Variants in TSNAXIP1 observed in about 807,000 individuals in gnomAD.
TSNAXIP1 encodes translin associated factor X interacting protein 1, also known as translin-associated factor X-interacting protein 1.
A neutral mutation model predicts 84.8 loss-of-function variants in TSNAXIP1; 89 were observed. That is an observed-to-expected ratio of 1.05 (90% CI 0.88 to 1.25). The LOEUF is 1.25. Among genes scored for constraint, TSNAXIP1 ranks in the 50% most tolerant of loss-of-function variants. The pLI is 0.00. For missense variants in TSNAXIP1, 874 were observed against 887.6 expected (o/e 0.98, Z 0.20); for synonymous variants, 347 against 335.2 (o/e 1.04, Z -0.39).
At position 67,806,939 on chromosome 16, in the gene TSNAXIP1, G is replaced by T. The variant is rs1464357766; in HGVS notation, c.-211G>T. On this transcript the variant is annotated 5_prime_UTR_variant, in exon 1 of 16. Coordinates refer to ENST00000561639, the MANE Select transcript of TSNAXIP1 (RefSeq NM_001288990.3). ...TGGGGTCAAATCGGCTGTAGTGGTTGACTCTCAGGGCACCCGCTGCCGGGT... is the reference window on the plus strand; with the variant it reads ...TGGGGTCAAATCGGCTGTAGTGGTTTACTCTCAGGGCACCCGCTGCCGGGT... The T allele has an allele frequency of 1.4e-6, 1 of 713,128 alleles. No individual in the cohort carries two copies. The highest frequency in any genetic ancestry group is 2.3e-6 in the Non-Finnish European group (1 of 441,482). The allele number at this position is 713,128 out of a possible 1,614,324, so 44.2% of individuals were successfully genotyped here.
chr16:67,825,281 G>T lies in TSNAXIP1; in HGVS notation c.814+9G>T. On this transcript the variant is annotated intron_variant, in intron 7 of 15. Coordinates refer to ENST00000561639, the MANE Select transcript of TSNAXIP1 (RefSeq NM_001288990.3). The stretch of plus-strand genomic sequence containing the variant: ...ATTAGCCCAGTCGCCAGGTAAGCCT[G>T]AATTGGGAATCGGGTTTCTCTCTTC... The T allele has an allele frequency of 6.2e-7, 1 of 1,613,756 alleles. No individual in the cohort carries two copies.
At chr16:67,818,082 G>A (rs138728054) in intron 2 of TSNAXIP1, among the ~76,000 whole-genome samples, 3,152 of 151,136 alleles carry the variant, frequency 0.021, 32 homozygotes, top group Non-Finnish European at 0.028. Flanking sequence ...GGTGGCATGC[G>A]CCTGTAATTC....
intron 1 of TSNAXIP1, among the ~76,000 whole-genome samples, chr16:67,808,347 C>T (rs1405310506): frequency 1.3e-5 from 2 of 151,954 alleles, no homozygotes; most frequent in Non-Finnish European, 2.9e-5. Context: ...GAGGCCGAGG[C>T]GGGGGGATCA....
chr16:67,828,008 C>T lies in TSNAXIP1; in HGVS notation c.*15C>T, dbSNP rs758502421. 1 of 1,610,934 alleles carries T rather than the reference C, an allele frequency of 6.2e-7. No homozygotes were observed. Among genetic ancestry groups the T allele is most frequent in the South Asian group, 1.1e-5 (1 of 91,022 alleles). ...CTGCAAGCTAGGAACTTGTGGGCAG[C>T]CTGCGTACTCCAGTCCTGCTAACCC... On this transcript the variant is annotated 3_prime_UTR_variant, in exon 16 of 16. Transcript: ENST00000561639.
intron 2 of TSNAXIP1, among the ~76,000 whole-genome samples, chr16:67,819,799 C>T (rs1395974787): frequency 6.8e-6 from 1 of 146,560 alleles, no homozygotes; most frequent in Non-Finnish European, 1.5e-5. Context: ...AAGCACATGC[C>T]ACCACACCTG....
At position 67,825,281 on chromosome 16, in the gene TSNAXIP1, G is replaced by A; in HGVS notation, c.814+9G>A. 2 of 1,613,758 alleles carry A rather than the reference G, an allele frequency of 1.2e-6. No homozygotes were observed. The highest frequency in any genetic ancestry group is 1.7e-6 in the Non-Finnish European group (2 of 1,179,820). ...ATTAGCCCAGTCGCCAGGTAAGCCT[G>A]AATTGGGAATCGGGTTTCTCTCTTC... On this transcript the variant is annotated intron_variant, in intron 7 of 15. Coordinates refer to ENST00000561639, the MANE Select transcript of TSNAXIP1 (RefSeq NM_001288990.3).
intron 2 of TSNAXIP1, among the ~76,000 whole-genome samples, 168 bp from the exon 3 acceptor site, chr16:67,820,671 G>A (rs964083945): frequency 6.6e-6 from 1 of 152,070 alleles, no homozygotes; most frequent in African/African-American, 2.4e-5. Context: ...TTGAACCTGG[G>A]AGGCGAAGGT....
chr16:67,823,769 G>A, intron 5 of TSNAXIP1, 50 bp downstream of exon 5: 2 of 1,535,068 alleles, frequency 1.3e-6, no homozygotes, highest in Middle Eastern at 1.8e-4. Flanking sequence ...TGTAATCCCA[G>A]CACTTTAGGA....
chr16:67,817,290 C>CA (rs1321618292), intron 2 of TSNAXIP1, among the ~76,000 whole-genome samples: 1 of 151,508 alleles, frequency 6.6e-6, no homozygotes, highest in East Asian at 1.9e-4. Flanking sequence ...GCTGGGACTA[C>CA]AGGCGCCCGC....
intron 5 of TSNAXIP1, 54 bp downstream of exon 5, chr16:67,823,773 T>A: frequency 6.7e-7 from 1 of 1,498,038 alleles, no homozygotes; most frequent in East Asian, 2.3e-5. Flanking sequence ...ATCCCAGCAC[T>A]TTAGGAGGCC....
intron 2 of TSNAXIP1, among the ~76,000 whole-genome samples, chr16:67,816,103 G>A (rs1033693680): frequency 1.3e-5 from 2 of 151,482 alleles, no homozygotes; most frequent in Non-Finnish European, 2.9e-5. Flanking sequence ...CCAGTAGCTG[G>A]GACAGACGCC....
chr16:67,817,699 C>G (rs2056698318), intron 2 of TSNAXIP1, among the ~76,000 whole-genome samples: 1 of 150,034 alleles, frequency 6.7e-6, no homozygotes. Flanking sequence ...CAAGACCACC[C>G]TGGGCAACAT....
chr16:67,812,810 T>G (rs1236246882), intron 1 of TSNAXIP1, among the ~76,000 whole-genome samples: 1 of 152,030 alleles, frequency 6.6e-6, no homozygotes, highest in Non-Finnish European at 1.5e-5. Flanking sequence ...AAAGTCTCAC[T>G]ATGTTGCTCA....
chr16:67,813,861 A>G (rs574145484), intron 1 of TSNAXIP1, among the ~76,000 whole-genome samples: 2 of 151,980 alleles, frequency 1.3e-5, no homozygotes, highest in Non-Finnish European at 2.9e-5. Context: ...AGACCCTATC[A>G]GCTGCCAGTA....
At chr16:67,808,385 G>A (rs1243125106) in intron 1 of TSNAXIP1, among the ~76,000 whole-genome samples, 1 of 152,124 alleles carries the variant, frequency 6.6e-6, no homozygotes, top group Non-Finnish European at 1.5e-5. Flanking sequence ...GACCATCCTG[G>A]CTAACGTGGT....
chr16:67,814,161 G>T, intron 1 of TSNAXIP1, 141 bp from the exon 2 acceptor site: 1 of 644,116 alleles, frequency 1.6e-6, no homozygotes, highest in Non-Finnish European at 2.7e-6. Context: ...GACTTGCTTG[G>T]CAGTGTCTCT....
Position 67,827,881 on chromosome 16 carries a change from A to C in TSNAXIP1, c.2027A>C (p.Glu676Ala), listed in dbSNP as rs2057592563. 2 of 1,614,062 alleles carry C rather than the reference A, an allele frequency of 1.2e-6. No homozygotes were observed. The highest frequency in any genetic ancestry group is 4.5e-5 in the East Asian group (2 of 44,862). Residue 676 changes from glutamate to alanine, a missense_variant, in exon 16 of 16, where the codon GAG becomes GCG. Physicochemically the swap from Glu to Ala is moderately radical, Grantham distance 107. Transcript: ENST00000561639. Reference protein sequence around the residue: ...FQLPESEMPEEGDEKEEAVVE... With the variant: ...FQLPESEMPEAGDEKEEAVVE... ...CTCCCTGAGTCGGAAATGCCAGAGG[A>C]GGGTGACGAGAAGGAAGAAGCCGTG...
intron 1 of TSNAXIP1, among the ~76,000 whole-genome samples, chr16:67,812,908 G>A (rs1014401646): frequency 6.6e-6 from 1 of 152,078 alleles, no homozygotes; most frequent in Non-Finnish European, 1.5e-5. Flanking sequence ...ACCACGCCCA[G>A]ATGCACATCT....
At chr16:67,823,741 G>C (rs1296996014) in intron 5 of TSNAXIP1, 22 bp downstream of exon 5, 1 of 1,601,078 alleles carries the variant, frequency 6.2e-7, no homozygotes, top group Non-Finnish European at 8.6e-7. Context: ...CCTCCTGCCA[G>C]GCGTAGTGGC....
Sources: gnomAD v4.1 joint callset for allele counts (sites outside exome capture counted in the v4.1 genomes callset) on GRCh38, gnomAD v4.1.1 for gene constraint, MANE v1.5 for transcripts, NCBI Gene and HGNC (gene_info 2026-07-23, HGNC 2026-07-21) for gene names.